The following PAPPA2 variants were observed in gnomAD, a reference collection of about 807,000 sequenced individuals.
PAPPA2 encodes the protein pappalysin 2.
In PAPPA2, 86 loss-of-function variants were observed where a neutral mutation model predicts 176.4. The observed-to-expected ratio is 0.49, with a 90% CI of 0.41 to 0.58. The LOEUF is 0.58. PAPPA2 is among the 20% of genes least tolerant of loss of function. The pLI is 0.00. For missense variants in PAPPA2, 2,073 were observed against 2,256.9 expected, an observed-to-expected ratio of 0.92 and a Z score of 1.65; for synonymous variants, 809 against 852.2, an observed-to-expected ratio of 0.95 and a Z score of 0.88.
intron 1 of PAPPA2, among the ~76,000 whole-genome samples, chr1:176,500,101 G>T (rs1647869498): frequency 8.2e-6 from 1 of 121,906 alleles, no homozygotes; most frequent in African/African-American, 3.2e-5. Flanking sequence ...GGTGACATTT[G>T]TGAAAATTTT....
intron 2 of PAPPA2, among the ~76,000 whole-genome samples, chr1:176,576,005 G>A (rs1475911256): frequency 6.6e-6 from 1 of 152,110 alleles, no homozygotes; most frequent in African/African-American, 2.4e-5. Context: ...CCATTGTTCA[G>A]ATGGACTGTA....
intron 3 of PAPPA2, among the ~76,000 whole-genome samples, chr1:176,596,657 A>G (rs1654004542): frequency 6.6e-6 from 1 of 152,248 alleles, no homozygotes; most frequent in African/African-American, 2.4e-5. Context: ...TACATGAGAT[A>G]GGGGCCCTTG....
intron 1 of PAPPA2, among the ~76,000 whole-genome samples, chr1:176,523,057 T>A (rs2102540489): frequency 6.6e-6 from 1 of 152,332 alleles, no homozygotes; most frequent in South Asian, 2.1e-4. Context: ...CCTGTTTACA[T>A]GTGCGCTTGC....
chr1:176,831,858 C>A lies in PAPPA2; in HGVS notation c.5203-8315C>A, dbSNP rs571160565. ...TCACCATTATGGTTTTTGAAGAGAG[C>A]CCTGGTTTCCAGGAGCCAATTAGAC... On this transcript the variant is annotated intron_variant, in intron 21 of 22. Transcript: ENST00000367662. Among the ~76,000 whole-genome samples the A allele has an allele frequency of 2.0e-5, 3 of 152,158 alleles. No homozygotes were observed. The East Asian group carries it at 5.8e-4, about 29-fold the overall frequency.
In PAPPA2 at chr1:176,555,444, C is replaced by A. The variant is rs1395461452; in HGVS notation, c.-879C>A. 1 of 152,198 alleles carries A rather than the reference C, an allele frequency of 6.6e-6. No homozygotes were observed. The highest frequency in any genetic ancestry group is 1.5e-5 in the Non-Finnish European group (1 of 68,088). The allele number at this position is 152,198 out of a possible 1,614,324, so 9.4% of individuals were successfully genotyped here. Reference sequence around the variant, plus strand: ...CTCCCAGAAGGTGAAGTTAAGAGCTCCCAGACTCATAAGGTTATTAGAACA... The same window carrying A: ...CTCCCAGAAGGTGAAGTTAAGAGCTACCAGACTCATAAGGTTATTAGAACA... On this transcript the variant is annotated 5_prime_UTR_variant, in exon 2 of 23. Transcript: ENST00000367662.
intron 1 of PAPPA2, among the ~76,000 whole-genome samples, chr1:176,495,414 C>A (rs1245579122): frequency 1.3e-5 from 2 of 151,830 alleles, no homozygotes; most frequent in Non-Finnish European, 2.9e-5. Flanking sequence ...GTGGCGCATG[C>A]CTCTAATCCC....
intron 3 of PAPPA2, among the ~76,000 whole-genome samples, chr1:176,659,894 T>C (rs981260637): frequency 1.3e-5 from 2 of 152,128 alleles, no homozygotes; most frequent in African/African-American, 4.8e-5. Flanking sequence ...AGGCAATATA[T>C]GGCTGTGTAT....
Position 176,623,609 on chromosome 1 carries a change from T to TTTTTA in PAPPA2, c.1991+28014_1991+28015insTTTTA, listed in dbSNP as rs1655736214. ...TTCCTTCCTTCCTTCCTTCCTTCCT[T>TTTTTA]CCTTCCTTCCTTCCTTTTTTACTTT... On this transcript the variant is annotated intron_variant, in intron 3 of 22. Transcript: ENST00000367662. Among the ~76,000 whole-genome samples the TTTTTA allele has an allele frequency of 6.5e-3, 883 of 136,818 alleles. 6 individuals are homozygous for TTTTTA. The highest frequency in any genetic ancestry group is 0.014 in the African/African-American group (471 of 34,000). The allele number at this position is 136,818 out of a possible 152,430, so 89.8% of individuals were successfully genotyped here.
chr1:176,679,092 T>C (rs1558514203), intron 4 of PAPPA2, among the ~76,000 whole-genome samples: 1 of 152,210 alleles, frequency 6.6e-6, no homozygotes, highest in Non-Finnish European at 1.5e-5. Flanking sequence ...AAAGATAGGT[T>C]GGAAACTCCT....
At chr1:176,479,985 C>G (rs540591684) in intron 1 of PAPPA2, among the ~76,000 whole-genome samples, 3 of 152,146 alleles carry the variant, frequency 2.0e-5, no homozygotes, top group Admixed American at 1.3e-4. Context: ...GGGAAGTGTC[C>G]GAGGATAAGA....
intron 1 of PAPPA2, among the ~76,000 whole-genome samples, chr1:176,499,044 A>C (rs1314121703): frequency 1.3e-5 from 2 of 152,036 alleles, no homozygotes; most frequent in Non-Finnish European, 2.9e-5. Flanking sequence ...CTGGCAACTA[A>C]GTGAGAAAAT....
intron 3 of PAPPA2, among the ~76,000 whole-genome samples, chr1:176,631,999 G>A (rs140427060): frequency 1.3e-5 from 2 of 152,252 alleles, no homozygotes; most frequent in East Asian, 3.9e-4. Context: ...GATGTTTGTA[G>A]CCTAGAAGTA....
At position 176,556,357 on chromosome 1, in the gene PAPPA2, C is replaced by G; in HGVS notation, c.35C>G (p.Ala12Gly). 1 of 1,613,944 alleles carries G rather than the reference C, an allele frequency of 6.2e-7. No individual in the cohort carries two copies. Among genetic ancestry groups the G allele is most frequent in the Non-Finnish European group, 8.5e-7 (1 of 1,179,918 alleles). The change falls in exon 2 of 23, where the codon GCG becomes GGG. Residue 12 changes from alanine (A) to glycine (G), a missense_variant. Coordinates refer to ENST00000367662, the MANE Select transcript of PAPPA2 (RefSeq NM_020318.3). ...TTAAAGATCCTAAGAATAAGCCTGG[C>G]GATTTTGGCTGGGTGGGCACTCTGT... ...MCLKILRISLAILAGWALCSA... is the reference protein window; with the variant it reads ...MCLKILRISLGILAGWALCSA...
At position 176,740,043 on chromosome 1, in the gene PAPPA2, T is replaced by TCCTTTTCCAC; in HGVS notation, c.4000_4009dup (p.His1337ProfsTer37). 6.2e-7 allele frequency: 1 copy of TCCTTTTCCAC among 1,613,930 alleles called. No individual in the cohort carries two copies. Among genetic ancestry groups the TCCTTTTCCAC allele is most frequent in the East Asian group, 2.2e-5 (1 of 44,876 alleles). On this transcript the variant is annotated frameshift_variant, in exon 14 of 23. Coordinates refer to ENST00000367662, the MANE Select transcript of PAPPA2 (RefSeq NM_020318.3). LOFTEE classifies it high-confidence loss of function. Reference sequence around the variant, plus strand: ...ATCAATGTGACCCATCACCAGAATGTCCTTTTCCACCATACCACCTCAGTG... The same window carrying TCCTTTTCCAC: ...ATCAATGTGACCCATCACCAGAATGTCCTTTTCCACCCTTTTCCACCATACCACCTCAGTG...
intron 3 of PAPPA2, among the ~76,000 whole-genome samples, chr1:176,619,200 T>G (rs1479038577): frequency 1.3e-5 from 2 of 152,218 alleles, no homozygotes; most frequent in South Asian, 4.1e-4. Context: ...AATATCCCAT[T>G]AGTACCATCT....
At chr1:176,649,412 A>C (rs191746889) in intron 3 of PAPPA2, among the ~76,000 whole-genome samples, 71 of 150,150 alleles carry the variant, frequency 4.7e-4, no homozygotes, top group African/African-American at 1.7e-3. Context: ...TTTAGGTTTA[A>C]TTTTATTTAT....
Position 176,465,638 on chromosome 1 carries a change from C to CT in PAPPA2, c.-917+2235dup, listed in dbSNP as rs528430128. 2.7e-3 allele frequency among the ~76,000 whole-genome samples: 348 copies of CT among 127,702 alleles called. 1 individual carries two copies. Among genetic ancestry groups the CT allele is most frequent in the South Asian group, 0.013 (52 of 3,980 alleles). The allele number at this position is 127,702 out of a possible 152,430, so 83.8% of individuals were successfully genotyped here. On this transcript the variant is annotated intron_variant, in intron 1 of 22. Coordinates refer to ENST00000367662, the MANE Select transcript of PAPPA2 (RefSeq NM_020318.3). The stretch of plus-strand genomic sequence containing the variant: ...CATGCCTATCCTGACCCAGGCCATT[C>CT]TTTTTTTTTTTTTTTAACTTTTAAG...
At chr1:176,746,473 CT>C (rs1662913045) in intron 14 of PAPPA2, among the ~76,000 whole-genome samples, 1 of 152,090 alleles carries the variant, frequency 6.6e-6, no homozygotes, top group African/African-American at 2.4e-5. Context: ...GTGGCTCGAT[CT>C]TGGCTCACTG....
intron 3 of PAPPA2, among the ~76,000 whole-genome samples, chr1:176,622,491 T>C (rs928042947): frequency 3.3e-5 from 5 of 152,192 alleles, no homozygotes; most frequent in African/African-American, 1.2e-4. Flanking sequence ...TCTCTAAAGA[T>C]CTAATGGGTC....
Sources: gnomAD v4.1 joint callset for allele counts (sites outside exome capture counted in the v4.1 genomes callset) on GRCh38, gnomAD v4.1.1 for gene constraint, MANE v1.5 for transcripts, NCBI Gene and HGNC (gene_info 2026-07-23, HGNC 2026-07-21) for gene names.